ZBTB37: variants seen among roughly 807,000 people sequenced by gnomAD.
ZBTB37 encodes zinc finger and BTB domain-containing protein 37.
Under a neutral mutation model 37.7 loss-of-function variants are expected in ZBTB37, and 15 were observed. That is an observed-to-expected ratio of 0.40 (90% CI 0.27 to 0.61). ZBTB37 has a LOEUF of 0.61. Among genes scored for constraint, ZBTB37 ranks in the 20% least tolerant of loss-of-function variants. The pLI, the probability that ZBTB37 is intolerant of heterozygous loss-of-function variation, is 0.44. For synonymous variants in ZBTB37, 231 were observed against 220.6 expected (o/e 1.05, Z -0.42); for missense variants, 514 against 641.9 (o/e 0.80, Z 2.15).
intron 4 of ZBTB37, among the ~76,000 whole-genome samples, chr1:173,885,229 A>C (rs12726669): frequency 0.014 from 2,179 of 152,310 alleles, 24 homozygotes; most frequent in Middle Eastern, 0.034. Context: ...ACCCTGTCTC[A>C]AAACAAAAAC....
intron 3 of ZBTB37, 29 bp downstream of exon 3, chr1:173,871,177 T>A: frequency 6.5e-7 from 1 of 1,546,770 alleles, no homozygotes; most frequent in Non-Finnish European, 8.7e-7. Flanking sequence ...GGTTTTCCCA[T>A]GTAATGGCTA....
At chr1:173,882,237 C>CTTTTT (rs1160364347) in intron 4 of ZBTB37, among the ~76,000 whole-genome samples, 19 of 87,942 alleles carry the variant, frequency 2.2e-4, no homozygotes, top group South Asian at 4.0e-4. Context: ...ATGGTAGTTT[C>CTTTTT]TTTTTTTTTT....
rs538840645 is a variant in ZBTB37 at position 173,869,756 on chromosome 1, TACTA to T, written c.-29-439_-29-436del. 2.0e-3 allele frequency among the ~76,000 whole-genome samples: 298 copies of T among 150,696 alleles called. 1 individual carries two copies. Among genetic ancestry groups the T allele is most frequent in the African/African-American group, 7.0e-3 (280 of 39,974 alleles). ...ATAATTCTTGCAGCAGGTAGTAAAATACTAAGAAGAGGGATATCAAGCTATGTAG... is the reference window on the plus strand; with the variant it reads ...ATAATTCTTGCAGCAGGTAGTAAAATAGAAGAGGGATATCAAGCTATGTAG... On this transcript the variant is annotated intron_variant, in intron 2 of 4. Coordinates refer to ENST00000427304, the Ensembl canonical transcript of ZBTB37.
chr1:173,900,135 A>T (rs772169083), exon 4 of ZBTB37: 7 of 152,174 alleles, frequency 4.6e-5, no homozygotes, highest in African/African-American at 7.2e-5. Flanking sequence ...GCCTGTGGTG[A>T]TGGTAATATG....
At chr1:173,881,233 C>A (rs1292324521) in intron 4 of ZBTB37, among the ~76,000 whole-genome samples, 3 of 151,818 alleles carry the variant, frequency 2.0e-5, no homozygotes, top group Admixed American at 1.3e-4. Context: ...TGATAGTTTG[C>A]TCAGAATGAT....
Position 173,885,551 on chromosome 1 carries a change from A to T in ZBTB37, c.1024-85A>T, listed in dbSNP as rs767918007. 4.3e-6 allele frequency: 5 copies of T among 1,167,058 alleles called. No homozygotes were observed. The East Asian group carries it at 1.3e-4, about 30-fold the overall frequency. 72.3% of individuals were successfully genotyped at this position (1,167,058 alleles called of 1,614,324 possible). On this transcript the variant is annotated intron_variant, in intron 4 of 4. Transcript: ENST00000427304. ...CTAAAAAGGTACATATATCTTAGTAACAAGTAAAAATAGATTTGATTGCTT... is the reference window on the plus strand; with the variant it reads ...CTAAAAAGGTACATATATCTTAGTATCAAGTAAAAATAGATTTGATTGCTT...
exon 4 of ZBTB37, chr1:173,902,497 G>A (rs1657303190): frequency 6.6e-6 from 1 of 152,216 alleles, no homozygotes; most frequent in African/African-American, 2.4e-5. Flanking sequence ...TAATAGTAAA[G>A]ATGCCTCGGG....
intron 2 of ZBTB37, among the ~76,000 whole-genome samples, chr1:173,869,747 G>A (rs1375850840): frequency 6.6e-6 from 1 of 151,716 alleles, no homozygotes; most frequent in Non-Finnish European, 1.5e-5. Context: ...CTTGCAGCAG[G>A]TAGTAAAATA....
chr1:173,890,923 T>G (rs1417014427), downstream of ZBTB37: 2 of 152,238 alleles, frequency 1.3e-5, no homozygotes, highest in East Asian at 3.8e-4. Flanking sequence ...AAGAATTACC[T>G]CCTAAAGTTG....
chr1:173,882,110 T>TC (rs1031951076), intron 4 of ZBTB37, among the ~76,000 whole-genome samples: 32 of 151,812 alleles, frequency 2.1e-4, no homozygotes, highest in African/African-American at 3.9e-4. Flanking sequence ...GCTGGGGTTG[T>TC]TTGATTTTTT....
At chr1:173,873,626 A>G (rs2102722686) in intron 4 of ZBTB37, 60 bp downstream of exon 4, 13 of 1,596,228 alleles carry the variant, frequency 8.1e-6, no homozygotes, top group South Asian at 1.1e-5. Flanking sequence ...CTGTGTATGA[A>G]TAGAAAATAA....
At chr1:173,891,591 G>A (rs777509640), downstream of ZBTB37, 7 of 151,998 alleles carry the variant, frequency 4.6e-5, no homozygotes, top group African/African-American at 1.5e-4. Context: ...ACTTATACTC[G>A]ATGTGGGAAA....
intron 2 of ZBTB37, 58 bp from the exon 3 acceptor site, chr1:173,870,142 A>G: frequency 6.6e-6 from 8 of 1,217,068 alleles, no homozygotes; most frequent in South Asian, 1.7e-5. Context: ...TGAAATGGAA[A>G]CCATCCGGGA....
At chr1:173,895,738 C>T (rs1422894565) in exon 4 of ZBTB37, 1 of 152,150 alleles carries the variant, frequency 6.6e-6, no homozygotes, top group Non-Finnish European at 1.5e-5. Flanking sequence ...TGTTACCAGC[C>T]TCTCTCATTT....
chr1:173,870,378 T>C, exon 3 of ZBTB37: 2 of 1,614,230 alleles, frequency 1.2e-6, no homozygotes, highest in Non-Finnish European at 1.7e-6. Context: ...TGGTGCTGGC[T>C]GCCAGCTCCC....
downstream of ZBTB37, chr1:173,891,453 C>A (rs1656835855): frequency 6.6e-6 from 1 of 152,102 alleles, no homozygotes; most frequent in Non-Finnish European, 1.5e-5. Context: ...AATGAAACAT[C>A]TGAGGATTTC....
chr1:173,887,721 A>G (rs1656686754), downstream of ZBTB37: 1 of 152,190 alleles, frequency 6.6e-6, no homozygotes, highest in Non-Finnish European at 1.5e-5. Flanking sequence ...GGTTCTTTTA[A>G]GTATGTAATG....
chr1:173,875,538 G>A (rs933835378), intron 4 of ZBTB37, among the ~76,000 whole-genome samples: 1 of 151,842 alleles, frequency 6.6e-6, no homozygotes, highest in Admixed American at 6.6e-5. Context: ...TGTGGGCCAG[G>A]CTGGTCTTGA....
exon 5 of ZBTB37, chr1:173,886,045 A>T: frequency 6.4e-7 from 1 of 1,551,736 alleles, no homozygotes; most frequent in Non-Finnish European, 8.7e-7. Flanking sequence ...CAAGCTGAGG[A>T]AGAGTCACCT....
Sources: allele counts gnomAD v4.1 joint callset (sites outside exome capture counted in the v4.1 genomes callset), GRCh38; gene constraint gnomAD v4.1.1; transcripts MANE v1.5; gene names NCBI Gene and HGNC (gene_info 2026-07-23, HGNC 2026-07-21).